Variants in PCDHA11 observed in about 807,000 individuals in gnomAD.
PCDHA11 encodes protocadherin alpha 11.
In PCDHA11, 61 loss-of-function variants were observed where a neutral mutation model predicts 70.3. That is an observed-to-expected ratio of 0.87 (90% CI 0.71 to 1.07). PCDHA11 has a LOEUF of 1.07. Ranked by LOEUF, PCDHA11 falls within the 50% of genes least tolerant of loss-of-function variation. The pLI is 0.00. For missense variants in PCDHA11, 1,324 were observed against 1,237.5 expected (o/e 1.07, Z -1.05); for synonymous variants, 633 against 555.1 (o/e 1.14, Z -1.97).
rs202184948 is a variant in PCDHA11 at position 140,888,065 on chromosome 5, T to C, written c.2391+16571T>C. 4.6e-5 allele frequency among the ~76,000 whole-genome samples: 7 copies of C among 152,338 alleles called. No homozygotes were observed. The East Asian group carries it at 5.8e-4, about 13-fold the overall frequency. On this transcript the variant is annotated intron_variant, in intron 1 of 3. Transcript: ENST00000398640. Reference sequence around the variant, plus strand: ...TATAATAGATGTTTTAACTTTCTTGTCTGCTAATTTCAACATTTTTGTCCT... The same window carrying C: ...TATAATAGATGTTTTAACTTTCTTGCCTGCTAATTTCAACATTTTTGTCCT...
chr5:140,930,466 T>C (rs2086864823), intron 1 of PCDHA11: 1 of 152,352 alleles, frequency 6.6e-6, no homozygotes. Context: ...CAAGTGATCC[T>C]CCCACCTAGG....
rs782500075 is a variant in PCDHA11 at position 140,871,465 on chromosome 5, C to T, written c.2362C>T (p.Gln788Ter). 8 of 1,602,850 alleles carry T rather than the reference C, an allele frequency of 5.0e-6. No individual in the cohort carries two copies. The highest frequency in any genetic ancestry group is 6.0e-6 in the Non-Finnish European group (7 of 1,173,862). Residue 788 changes from glutamine (Q) to a stop codon, truncating the protein, a stop_gained, in exon 1 of 4, where the codon CAG becomes TAG. Transcript: ENST00000398640. LOFTEE classifies it high-confidence loss of function. Reference sequence around the variant, plus strand: ...GAATAAAGAGGAGGAAGGGGAAAGACAGGAGCCAGGGTCAAATCACCCCGG... The same window carrying T: ...GAATAAAGAGGAGGAAGGGGAAAGATAGGAGCCAGGGTCAAATCACCCCGG... ...GLNKEEEGER[Q>*]EPGSNHPGQP...
At chr5:140,909,288 A>G (rs1441603045) in intron 1 of PCDHA11, among the ~76,000 whole-genome samples, 2 of 152,234 alleles carry the variant, frequency 1.3e-5, no homozygotes, top group Non-Finnish European at 2.9e-5. Context: ...GGTGGGCCTT[A>G]TGGACAGGAA....
intron 3 of PCDHA11, among the ~76,000 whole-genome samples, chr5:140,990,850 T>C (rs528860965): frequency 3.3e-5 from 5 of 152,312 alleles, no homozygotes; most frequent in African/African-American, 1.2e-4. Context: ...AATAGAGCCC[T>C]GAGGACATTG....
chr5:140,883,557 G>C, intron 1 of PCDHA11: 1 of 1,614,214 alleles, frequency 6.2e-7, no homozygotes, highest in Non-Finnish European at 8.5e-7. Flanking sequence ...GCGCGGGACG[G>C]GGGCTCGCCT....
At chr5:140,875,094 T>C (rs1554167483) in intron 1 of PCDHA11, among the ~76,000 whole-genome samples, 1 of 152,258 alleles carries the variant, frequency 6.6e-6, no homozygotes. Flanking sequence ...AAATTGTTGA[T>C]GTTTTGTTAC....
Position 140,871,273 on chromosome 5 carries a change from G to T in PCDHA11, c.2170G>T (p.Ala724Ser). 1.9e-6 allele frequency: 3 copies of T among 1,613,916 alleles called. No homozygotes were observed. The highest frequency in any genetic ancestry group is 2.5e-6 in the Non-Finnish European group (3 of 1,179,928). Residue 724 changes from alanine (A) to serine (S), a missense_variant, in exon 1 of 4, where the codon GCA (alanine) becomes TCA (serine). Transcript: ENST00000398640. Reference sequence around the variant, plus strand: ...GCTGTATACGGCGCTGTGGTGGTCGGCAACGCCCACTGAGGGCGCGTGCGC... The same window carrying T: ...GCTGTATACGGCGCTGTGGTGGTCGTCAACGCCCACTGAGGGCGCGTGCGC... ...LLLYTALWWS[A>S]TPTEGACAPG...
intron 1 of PCDHA11, among the ~76,000 whole-genome samples, chr5:140,978,488 C>T (rs1453613410): frequency 6.6e-6 from 1 of 152,224 alleles, no homozygotes; most frequent in Non-Finnish European, 1.5e-5. Flanking sequence ...TCTGCAAAGC[C>T]AGCAGCAGAT....
intron 1 of PCDHA11, among the ~76,000 whole-genome samples, chr5:140,918,233 T>C (rs1554198474): frequency 6.6e-6 from 1 of 152,210 alleles, no homozygotes; most frequent in South Asian, 2.1e-4. Context: ...TTTTTGTACA[T>C]TGATTTTGTA....
chr5:140,881,127 A>G (rs1274793505), intron 1 of PCDHA11, among the ~76,000 whole-genome samples: 1 of 152,234 alleles, frequency 6.6e-6, no homozygotes, highest in Non-Finnish European at 1.5e-5. Context: ...GTGGCTTGGT[A>G]GAGATAGTTA....
rs149837711 is a variant in PCDHA11 at position 140,940,786 on chromosome 5, G to A, written c.2392-38163G>A. Reference sequence around the variant, plus strand: ...TTTGACTTTTGATGGTCCATATCCTGAAAATGATATTTGCCAGGATATCCT... The same window carrying A: ...TTTGACTTTTGATGGTCCATATCCTAAAAATGATATTTGCCAGGATATCCT... On this transcript the variant is annotated intron_variant, in intron 1 of 3. Coordinates refer to ENST00000398640, the MANE Select transcript of PCDHA11 (RefSeq NM_018902.5). 1.1e-4 allele frequency among the ~76,000 whole-genome samples: 17 copies of A among 152,224 alleles called. 1 individual carries two copies. The East Asian group carries it at 2.9e-3, about 26-fold the overall frequency.
chr5:141,000,651 C>G (rs1325110453), intron 3 of PCDHA11, among the ~76,000 whole-genome samples: 2 of 151,708 alleles, frequency 1.3e-5, no homozygotes, highest in African/African-American at 4.8e-5. Flanking sequence ...TGGTCTCGAA[C>G]TCCTGACCTC....
chr5:140,927,530 GC>G, intron 1 of PCDHA11: 1 of 1,614,080 alleles, frequency 6.2e-7, no homozygotes, highest in Non-Finnish European at 8.5e-7. Flanking sequence ...CTACCTGCCC[GC>G]TCAGGAGACG....
At chr5:140,946,631 T>TATATGTATATAC (rs57893927) in intron 1 of PCDHA11, among the ~76,000 whole-genome samples, 2 of 131,846 alleles carry the variant, frequency 1.5e-5, no homozygotes, top group Non-Finnish European at 3.1e-5. Flanking sequence ...TATATATATA[T>TATATGTATATAC]ACAATGGAAT....
At chr5:140,968,923 T>C in intron 1 of PCDHA11, 1 of 1,614,212 alleles carries the variant, frequency 6.2e-7, no homozygotes, top group Non-Finnish European at 8.5e-7. Flanking sequence ...CTTTTATATT[T>C]CTTTTGACAA....
At chr5:141,000,395 CTATATATA>C (rs1190667031) in intron 3 of PCDHA11, among the ~76,000 whole-genome samples, 7 of 53,980 alleles carry the variant, frequency 1.3e-4, no homozygotes, top group South Asian at 8.9e-4. Flanking sequence ...CTCTCTCTCT[CTATATATA>C]TATATATATA....
intron 1 of PCDHA11, chr5:140,929,725 A>G (rs1415397730): frequency 9.2e-6 from 2 of 218,138 alleles, no homozygotes; most frequent in Admixed American, 1.2e-4. Flanking sequence ...TGAAACATTT[A>G]CTTAAACTAT....
At chr5:140,966,851 C>T (rs782524148) in intron 1 of PCDHA11, 15 of 1,573,232 alleles carry the variant, frequency 9.5e-6, no homozygotes, top group Middle Eastern at 1.7e-4. Context: ...ACTGCCTCTC[C>T]TGCTGCTGTT....
chr5:140,949,630 T>C (rs549897729), intron 1 of PCDHA11, among the ~76,000 whole-genome samples: 2 of 152,016 alleles, frequency 1.3e-5, no homozygotes, highest in South Asian at 4.1e-4. Flanking sequence ...TTTCATGGCA[T>C]ATTGCTTTTT....
Sources: allele counts gnomAD v4.1 joint callset (sites outside exome capture counted in the v4.1 genomes callset), GRCh38; gene constraint gnomAD v4.1.1; transcripts MANE v1.5; gene names NCBI Gene and HGNC (gene_info 2026-07-23, HGNC 2026-07-21).